SEPHS2: variants seen among roughly 807,000 people sequenced by gnomAD.
The protein encoded by SEPHS2 is selenophosphate synthetase 2, also known as selenide, water dikinase 2.
In SEPHS2, 11 loss-of-function variants were observed where a neutral mutation model predicts 23.9. That is an observed-to-expected ratio of 0.46 (90% CI 0.29 to 0.76). The LOEUF (loss-of-function observed/expected upper bound fraction) is 0.76. SEPHS2 is among the 30% of genes least tolerant of loss of function. The pLI is 0.10. For missense variants in SEPHS2, 541 were observed against 592.5 expected (o/e 0.91, Z 0.90); for synonymous variants, 239 against 247.5 (o/e 0.97, Z 0.32).
Position 30,445,580 on chromosome 16 carries a change from G to A in SEPHS2, c.148C>T (p.Arg50Trp), listed in dbSNP as rs774242268. 4 of 1,539,364 alleles carry A rather than the reference G, an allele frequency of 2.6e-6. No homozygotes were observed. Among genetic ancestry groups the A allele is most frequent in the Non-Finnish European group, 3.5e-6 (4 of 1,148,354 alleles). Reference protein sequence around the residue: ...PQALGLSPSWRLTGFSGMKGU... With the variant: ...PQALGLSPSWWLTGFSGMKGU... ...TTCATGCCGGAGAAGCCCGTCAGCC[G>A]CCAGCTCGGGCTGAGGCCCAACGCC... Residue 50 changes from arginine (R) to tryptophan (W), a missense_variant, in exon 1 of 1, where the codon CGG becomes TGG. Arg to Trp is a moderately radical substitution (Grantham distance 101). Coordinates refer to ENST00000478753, the MANE Select transcript of SEPHS2 (RefSeq NM_012248.4).
chr16:30,444,212 A>C lies in SEPHS2; in HGVS notation c.*169T>G. The C allele has an allele frequency of 2.0e-6, 1 of 497,930 alleles. No homozygotes were observed. Among genetic ancestry groups the C allele is most frequent in the Non-Finnish European group, 3.4e-6 (1 of 292,400 alleles). The allele number at this position is 497,930 out of a possible 1,614,324, so 30.8% of individuals were successfully genotyped here. A position where few individuals can be genotyped will look rare whatever the true frequency, so the allele number is the denominator to read the frequency against. On this transcript the variant is annotated 3_prime_UTR_variant, in exon 1 of 1. Coordinates refer to ENST00000478753, the MANE Select transcript of SEPHS2 (RefSeq NM_012248.4). This position sits in a 1 kb window ranked among gnomAD's most constrained non-coding sequence, Gnocchi z 4.0. The stretch of plus-strand genomic sequence containing the variant: ...GTTCAAAATGTTACTCTGGCCTCGG[A>C]ATGCATATAAAGACTGCTTTAGATG...
rs778041140 is a variant in SEPHS2, at chr16:30,444,447, A to AGGCAGG, written c.1275_1280dup (p.Leu426_Pro427dup). 1 of 1,606,036 alleles carries AGGCAGG rather than the reference A, an allele frequency of 6.2e-7. No homozygotes were observed. Among genetic ancestry groups the AGGCAGG allele is most frequent in the East Asian group, 2.2e-5 (1 of 44,672 alleles). ...CAAGAACAGCAGCTGTGGCCCCACG[A>AGGCAGG]GGCAGGACTTCAATAACTCGCGGCT... On this transcript the variant is annotated inframe_insertion, in exon 1 of 1. Transcript: ENST00000478753. The surrounding 1 kb of genome is among the most constrained non-coding windows in gnomAD (Gnocchi z 4.0).
rs1437378535 is a variant in SEPHS2, at chr16:30,444,309, A to T, written c.*72T>A. ...GCAGCCTTCTTTGGAAATTTCTTAC[A>T]ATCAACTCTTGAGAACCATCCGTGA... On this transcript the variant is annotated 3_prime_UTR_variant, in exon 1 of 1. Coordinates refer to ENST00000478753, the MANE Select transcript of SEPHS2 (RefSeq NM_012248.4). This position sits in a 1 kb window ranked among gnomAD's most constrained non-coding sequence, Gnocchi z 4.0. 1 of 1,464,950 alleles carries T rather than the reference A, an allele frequency of 6.8e-7. No individual in the cohort carries two copies. The highest frequency in any genetic ancestry group is 9.2e-7 in the Non-Finnish European group (1 of 1,089,690). 90.7% of individuals were successfully genotyped at this position (1,464,950 alleles called of 1,614,324 possible). A position where few individuals can be genotyped will look rare whatever the true frequency, so the allele number is the denominator to read the frequency against.
rs779440198 is a variant in SEPHS2 at position 30,445,068 on chromosome 16, C to G, written c.660G>C (p.Trp220Cys). 2.5e-6 allele frequency: 4 copies of G among 1,592,040 alleles called. No individual in the cohort carries two copies. The African/African-American group carries it at 5.4e-5, about 21-fold the overall frequency. Residue 220 changes from tryptophan to cysteine, a missense_variant, in exon 1 of 1, where the codon TGG becomes TGC. Physicochemically the swap from Trp to Cys is radical, Grantham distance 215. Transcript: ENST00000478753. The stretch of plus-strand genomic sequence containing the variant: ...CAGTGGCAACTCCACCGATTATAAT[C>G]CAAGGGTTGACCACCGTTTGCCCAC... ...VTGGQTVVNP[W>C]IIIGGVATVV...
Sources: allele counts gnomAD v4.1 joint callset, GRCh38; gene constraint gnomAD v4.1.1; non-coding constraint Gnocchi (gnomAD v3.1); transcripts MANE v1.5; gene names NCBI Gene and HGNC (gene_info 2026-07-23, HGNC 2026-07-21).